The following SLC38A1 variants were observed in gnomAD, a reference collection of about 807,000 sequenced individuals.
SLC38A1 encodes the protein solute carrier family 38 member 1, also known as sodium-coupled neutral amino acid symporter 1.
A neutral mutation model predicts 60.3 loss-of-function variants in SLC38A1; 18 were observed. That is an observed-to-expected ratio of 0.30 (90% CI 0.21 to 0.44). The LOEUF (loss-of-function observed/expected upper bound fraction) is 0.44. Ranked by LOEUF, SLC38A1 falls within the 20% of genes least tolerant of loss-of-function variation. The pLI is 1.00. For synonymous variants in SLC38A1, 196 were observed against 212.1 expected, an observed-to-expected ratio of 0.92 and a Z score of 0.66; for missense variants, 448 against 587.2, an observed-to-expected ratio of 0.76 and a Z score of 2.45.
chr12:46,199,807 C>A (rs1939570568), intron 13 of SLC38A1, among the ~76,000 whole-genome samples: 1 of 152,106 alleles, frequency 6.6e-6, no homozygotes, highest in South Asian at 2.1e-4. Context: ...CCTGCAAGGG[C>A]CTCTCACTGC....
At chr12:46,230,997 C>A (rs1440080109) in intron 3 of SLC38A1, among the ~76,000 whole-genome samples, 1 of 152,194 alleles carries the variant, frequency 6.6e-6, no homozygotes, top group African/African-American at 2.4e-5. Flanking sequence ...TACCTGCATT[C>A]ATATATTTAT....
chr12:46,207,324 C>A, intron 7 of SLC38A1, 88 bp from the exon 8 acceptor site: 1 of 1,221,166 alleles, frequency 8.2e-7, no homozygotes, highest in Non-Finnish European at 1.2e-6. Flanking sequence ...GTTCTTAGAC[C>A]AACTGTCAGT....
intron 5 of SLC38A1, among the ~76,000 whole-genome samples, chr12:46,221,222 G>A (rs890283898): frequency 3.3e-5 from 5 of 152,150 alleles, no homozygotes; most frequent in Non-Finnish European, 7.4e-5. Context: ...GGGAGGGAGA[G>A]AGGGCCAGAG....
At chr12:46,237,555 T>A (rs1941303185) in intron 3 of SLC38A1, among the ~76,000 whole-genome samples, 1 of 151,716 alleles carries the variant, frequency 6.6e-6, no homozygotes, top group African/African-American at 2.4e-5. Flanking sequence ...CCAACAGACC[T>A]CCCTCTGTAC....
rs1444976950 is a variant in SLC38A1 at position 46,206,161 on chromosome 12, C to T, written c.565G>A (p.Ala189Thr). 41 of 1,601,410 alleles carry T rather than the reference C, an allele frequency of 2.6e-5. No homozygotes were observed. Among genetic ancestry groups the T allele is most frequent in the Non-Finnish European group, 3.3e-5 (39 of 1,171,390 alleles). ...AGAACGCGGCCATCCACGTACCAGG[C>T]TCTGAAAGGCATTTAAGTGATTAGG... ...FLMGKEETFS[A>T]WYVDGRVLVV... is the part of the protein sequence containing the mutation. Residue 189 changes from alanine to threonine, a missense_variant and splice_region_variant, in exon 9 of 17, where the codon GCC (alanine) becomes ACC (threonine). Transcript: ENST00000398637.
chr12:46,201,878 A>G (rs1212583377), intron 12 of SLC38A1, among the ~76,000 whole-genome samples: 1 of 149,562 alleles, frequency 6.7e-6, no homozygotes, highest in African/African-American at 2.5e-5. Context: ...AGGATGCCAT[A>G]GAAGTATGGA....
chr12:46,211,637 C>T (rs991651672), intron 5 of SLC38A1, among the ~76,000 whole-genome samples: 2 of 152,172 alleles, frequency 1.3e-5, no homozygotes, highest in African/African-American at 4.8e-5. Context: ...CTGCTATCCC[C>T]CCTTTTCAAG....
At chr12:46,249,306 T>G (rs1224775871) in intron 1 of SLC38A1, among the ~76,000 whole-genome samples, 1 of 152,042 alleles carries the variant, frequency 6.6e-6, no homozygotes, top group Non-Finnish European at 1.5e-5. Flanking sequence ...AGACACATCA[T>G]ACCAGAATCT....
rs1319526491 is a variant in SLC38A1 at position 46,242,873 on chromosome 12, C to T, written c.-94+327G>A. On this transcript the variant is annotated intron_variant, in intron 2 of 16. Transcript: ENST00000398637. Reference sequence around the variant, plus strand: ...ACAGATATTGTAAAAGAAATTCTACCACCCCCAAATGGGCCACTGTTAAGA... The same window carrying T: ...ACAGATATTGTAAAAGAAATTCTACTACCCCCAAATGGGCCACTGTTAAGA... 2.6e-5 allele frequency among the ~76,000 whole-genome samples: 4 copies of T among 152,108 alleles called. No individual in the cohort carries two copies. The East Asian group carries it at 7.7e-4, about 29-fold the overall frequency.
At chr12:46,190,907 C>G (rs1028130851) in intron 16 of SLC38A1, among the ~76,000 whole-genome samples, 1 of 152,136 alleles carries the variant, frequency 6.6e-6, no homozygotes. Context: ...ATGGTAGTTT[C>G]TTTTGCTGTG....
chr12:46,246,241 C>T (rs559439912), intron 1 of SLC38A1, among the ~76,000 whole-genome samples: 1 of 152,312 alleles, frequency 6.6e-6, no homozygotes, highest in African/African-American at 2.4e-5. Flanking sequence ...CTGGGAATTT[C>T]CCTCGTCAGG....
intron 8 of SLC38A1, 100 bp downstream of exon 8, chr12:46,207,055 G>A: frequency 1.3e-6 from 1 of 782,858 alleles, no homozygotes; most frequent in Non-Finnish European, 2.0e-6. Context: ...CGCAGCCTAG[G>A]AAAAACTTTC....
At chr12:46,212,388 T>C (rs142862129) in intron 5 of SLC38A1, among the ~76,000 whole-genome samples, 61 of 152,342 alleles carry the variant, frequency 4.0e-4, no homozygotes, top group Middle Eastern at 3.4e-3. Context: ...AGTATTAATA[T>C]GGCTGGGACA....
chr12:46,232,232 C>A (rs1941104318), intron 3 of SLC38A1, among the ~76,000 whole-genome samples: 3 of 152,238 alleles, frequency 2.0e-5, no homozygotes, highest in Middle Eastern at 3.4e-3. Flanking sequence ...AACACAAGAG[C>A]TGACATTCGG....
chr12:46,236,433 TC>T (rs1205970925), intron 3 of SLC38A1, among the ~76,000 whole-genome samples: 1 of 152,078 alleles, frequency 6.6e-6, no homozygotes, highest in Non-Finnish European at 1.5e-5. Context: ...CATTAAACAT[TC>T]CCCAACAATC....
intron 12 of SLC38A1, among the ~76,000 whole-genome samples, chr12:46,201,996 C>T (rs1182469837): frequency 6.6e-6 from 1 of 151,360 alleles, no homozygotes; most frequent in Non-Finnish European, 1.5e-5. Context: ...AGTTCAAGAC[C>T]AGCCTGGGCA....
chr12:46,247,577 A>G (rs1447852926), intron 1 of SLC38A1, among the ~76,000 whole-genome samples: 1 of 152,228 alleles, frequency 6.6e-6, no homozygotes, highest in African/African-American at 2.4e-5. Flanking sequence ...CGTGAAAGTG[A>G]TGGGGAAAAT....
intron 5 of SLC38A1, among the ~76,000 whole-genome samples, chr12:46,214,030 A>G (rs1307026599): frequency 6.6e-6 from 1 of 152,272 alleles, no homozygotes; most frequent in East Asian, 1.9e-4. Flanking sequence ...TCAAAAGATG[A>G]TATTAGTTTA....
chr12:46,258,934 G>T (rs182158686), intron 1 of SLC38A1, among the ~76,000 whole-genome samples: 5 of 152,292 alleles, frequency 3.3e-5, no homozygotes, highest in Admixed American at 6.5e-5. Flanking sequence ...GATTACAGGC[G>T]TGAGCCACTG....
Sources: gnomAD v4.1 joint callset for allele counts (sites outside exome capture counted in the v4.1 genomes callset) on GRCh38, gnomAD v4.1.1 for gene constraint, MANE v1.5 for transcripts, NCBI Gene and HGNC (gene_info 2026-07-23, HGNC 2026-07-21) for gene names.